Variants in CYP4F3 observed in about 807,000 individuals in gnomAD.
CYP4F3 encodes cytochrome P450 4F3.
Under a neutral mutation model 54.8 loss-of-function variants are expected in CYP4F3, and 50 were observed. That is an observed-to-expected ratio of 0.91 (90% CI 0.73 to 1.16). The LOEUF is 1.16. Among genes scored for constraint, CYP4F3 ranks in the 50% most tolerant of loss-of-function variants. The pLI is 0.00. For synonymous variants in CYP4F3, 244 were observed against 262.6 expected, an observed-to-expected ratio of 0.93 and a Z score of 0.69; for missense variants, 715 against 676.2, an observed-to-expected ratio of 1.06 and a Z score of -0.64.
rs149124841 is a variant in CYP4F3, at chr19:15,647,241, C to T, written c.442C>T (p.Arg148Cys). The change falls in exon 5 of 13, where the codon CGT becomes TGT. Residue 148 changes from arginine to cysteine, a missense_variant. Physicochemically the swap from Arg to Cys is radical, Grantham distance 180. Coordinates refer to ENST00000221307, the MANE Select transcript of CYP4F3 (RefSeq NM_000896.3). ...LSAGEKWSRH[R>C]RMLTPAFHFN... ...TGCTGGTGAAAAGTGGAGCCGCCAC[C>T]GTCGGATGCTGACGCCTGCCTTCCA... The T allele has an allele frequency of 4.0e-4, 644 of 1,614,118 alleles. No homozygotes were observed. The highest frequency in any genetic ancestry group is 5.2e-4 in the Non-Finnish European group (616 of 1,180,048).
Position 15,659,227 on chromosome 19 carries a change from A to G in CYP4F3, c.1405A>G (p.Ile469Val), listed in dbSNP as rs773233993. ...TCCACCTCCCTCCCCAAGGAACTGC[A>G]TCGGGCAGGCGTTCGCGATGGCGGA... Reference protein sequence around the residue: ...IPFSAGPRNCIGQAFAMAEMK... With the variant: ...IPFSAGPRNCVGQAFAMAEMK... Residue 469 changes from isoleucine (I) to valine (V), a missense_variant, in exon 13 of 13, where the codon ATC becomes GTC. Ile to Val is a conservative substitution (Grantham distance 29). Coordinates refer to ENST00000221307, the MANE Select transcript of CYP4F3 (RefSeq NM_000896.3). 4.4e-6 allele frequency: 7 copies of G among 1,604,684 alleles called. No individual in the cohort carries two copies. The highest frequency in any genetic ancestry group is 6.0e-6 in the Non-Finnish European group (7 of 1,176,428).
In CYP4F3 at chr19:15,652,871, C is replaced by G. The variant is rs1972900268; in HGVS notation, c.1034C>G (p.Ala345Gly). 6.2e-7 allele frequency: 1 copy of G among 1,613,760 alleles called. No individual in the cohort carries two copies. The highest frequency in any genetic ancestry group is 8.5e-7 in the Non-Finnish European group (1 of 1,179,864). The change falls in exon 9 of 13, where the codon GCA (alanine) becomes GGA (glycine). Residue 345 changes from alanine to glycine, a missense_variant. By Grantham distance (60) the Ala-to-Gly change is moderately conservative. Transcript: ENST00000221307. Reference sequence around the variant, plus strand: ...CTCTCCTGGGTCCTGTACCACCTTGCAAAGCACCCGGAATACCAGGAGCGC... The same window carrying G: ...CTCTCCTGGGTCCTGTACCACCTTGGAAAGCACCCGGAATACCAGGAGCGC... ...SGLSWVLYHL[A>G]KHPEYQERCR...
intron 2 of CYP4F3, among the ~76,000 whole-genome samples, chr19:15,642,911 TGGATGGATG>T (rs1424999941): frequency 6.6e-6 from 1 of 151,296 alleles, no homozygotes; most frequent in Admixed American, 6.6e-5. Flanking sequence ...GATGGATGGA[TGGATGGATG>T]GATAATACAT....
chr19:15,659,342 G>T lies in CYP4F3; in HGVS notation c.1520G>T (p.Arg507Leu), dbSNP rs781138683. ...CGCAGGAAGCCGGAGCTGGTCCTGC[G>T]CGCAGAGGGCGGACTTTGGCTGCGG... The part of the protein sequence containing the change: ...EPRRKPELVL[R>L]AEGGLWLRVE... Residue 507 changes from arginine to leucine, a missense_variant, in exon 13 of 13, where the codon CGC becomes CTC. By Grantham distance (102) the Arg-to-Leu change is moderately radical. Transcript: ENST00000221307. 9.3e-6 allele frequency: 15 copies of T among 1,613,276 alleles called. No individual in the cohort carries two copies. Among genetic ancestry groups the T allele is most frequent in the Non-Finnish European group, 1.2e-5 (14 of 1,179,740 alleles).
intron 9 of CYP4F3, among the ~76,000 whole-genome samples, chr19:15,657,082 T>C (rs2144673929): frequency 6.6e-6 from 1 of 152,348 alleles, no homozygotes; most frequent in South Asian, 2.1e-4. Flanking sequence ...GTGATCCCTA[T>C]TTCCTTCTTT....
At chr19:15,656,598 ATCTG>A (rs199802389) in intron 9 of CYP4F3, among the ~76,000 whole-genome samples, 7,007 of 138,010 alleles carry the variant, frequency 0.051, 293 homozygotes, top group African/African-American at 0.12. Context: ...TATCTCTATT[ATCTG>A]TCTATCTATC....
Position 15,652,608 on chromosome 19 carries a change from G to A in CYP4F3, c.958G>A (p.Ala320Thr). The A allele has an allele frequency of 6.2e-7, 1 of 1,614,188 alleles. No individual in the cohort carries two copies. Among genetic ancestry groups the A allele is most frequent in the Non-Finnish European group, 8.5e-7 (1 of 1,180,028 alleles). The part of the protein sequence containing the change: ...GKKLSDEDIR[A>T]EADTFMFEGH... Reference sequence around the variant, plus strand: ...GAAGTTGTCCGATGAGGACATAAGAGCAGAAGCTGACACCTTTATGTTTGA... The same window carrying A: ...GAAGTTGTCCGATGAGGACATAAGAACAGAAGCTGACACCTTTATGTTTGA... Residue 320 changes from alanine to threonine, a missense_variant, in exon 8 of 13, where the codon GCA becomes ACA. Transcript: ENST00000221307.
In CYP4F3 at chr19:15,650,398, A is replaced by C. The variant is rs1453830819; in HGVS notation, c.918+215A>C. ...TGAAATTGTGATGAGTCTGAGATTT[A>C]CTCTATTTATAAGTTAATAAGCTAA... On this transcript the variant is annotated intron_variant, in intron 7 of 12. Transcript: ENST00000221307. 5 of 910,642 alleles carry C rather than the reference A, an allele frequency of 5.5e-6. No homozygotes were observed. In the African/African-American group the frequency reaches 8.4e-5, roughly 15 times the overall value. The allele number at this position is 910,642 out of a possible 1,614,324, so 56.4% of individuals were successfully genotyped here.
rs202115280 is a variant in CYP4F3, at chr19:15,649,952, T to G, written c.687T>G (p.Ser229Arg). ...SEYIAAILEL[S>R]ALVTKRHQQI... The stretch of plus-strand genomic sequence containing the variant: ...ATATTGCCGCCATCTTGGAGCTCAG[T>G]GCCCTTGTGACAAAAAGACACCAGC... Residue 229 changes from serine to arginine, a missense_variant, in exon 7 of 13, where the codon AGT (serine) becomes AGG (arginine). Physicochemically the swap from Ser to Arg is moderately radical, Grantham distance 110. Coordinates refer to ENST00000221307, the MANE Select transcript of CYP4F3 (RefSeq NM_000896.3). 1.5e-5 allele frequency: 25 copies of G among 1,614,154 alleles called. No individual in the cohort carries two copies. The East Asian group carries it at 5.1e-4, about 33-fold the overall frequency.
chr19:15,643,877 A>G lies in CYP4F3; in HGVS notation c.199-1842A>G. On this transcript the variant is annotated intron_variant, in intron 2 of 12. Transcript: ENST00000221307. ...GTGGACACCTAGAATTAACCATGACAGGAGGTGACGGCCCCTGCCTTGCTT... is the reference window on the plus strand; with the variant it reads ...GTGGACACCTAGAATTAACCATGACGGGAGGTGACGGCCCCTGCCTTGCTT... 2.6e-6 allele frequency: 4 copies of G among 1,522,330 alleles called. No homozygotes were observed. In the South Asian group the frequency reaches 5.1e-5, roughly 19 times the overall value. The allele number at this position is 1,522,330 out of a possible 1,614,324, so 94.3% of individuals were successfully genotyped here. A position where few individuals can be genotyped will look rare whatever the true frequency, so the allele number is the denominator to read the frequency against.
chr19:15,657,715 T>C (rs1482833608), intron 9 of CYP4F3, among the ~76,000 whole-genome samples: 1 of 152,048 alleles, frequency 6.6e-6, no homozygotes, highest in African/African-American at 2.4e-5. Context: ...TTGATGGACA[T>C]TTAAAAAAAG....
rs1972899560 is a variant in CYP4F3, at chr19:15,652,859, T to C, written c.1022T>C (p.Leu341Pro). Residue 341 changes from leucine (L) to proline (P), a missense_variant, in exon 9 of 13, where the codon CTG becomes CCG. Physicochemically the swap from Leu to Pro is moderately conservative, Grantham distance 98. Transcript: ENST00000221307. ...ACAGCCAGTGGTCTCTCCTGGGTCC[T>C]GTACCACCTTGCAAAGCACCCGGAA... The part of the protein sequence containing the change: ...DTTASGLSWV[L>P]YHLAKHPEYQ... The C allele has an allele frequency of 6.8e-6, 11 of 1,613,810 alleles. No individual in the cohort carries two copies. The highest frequency in any genetic ancestry group is 2.2e-5 in the South Asian group (2 of 91,054).
At chr19:15,646,982 G>T in intron 3 of CYP4F3, 70 bp from the exon 4 acceptor site, 1 of 1,597,580 alleles carries the variant, frequency 6.3e-7, no homozygotes, top group African/African-American at 1.4e-5. Context: ...CTTGCTGGGA[G>T]CCTCCCCCCA....
chr19:15,658,934 G>A, intron 12 of CYP4F3, 125 bp downstream of exon 12: 4 of 1,356,304 alleles, frequency 2.9e-6, no homozygotes, highest in Non-Finnish European at 4.1e-6. Context: ...CACCTCCTCT[G>A]GAGTTTATGG....
In CYP4F3 at chr19:15,662,764, T is replaced by G. The variant is rs1233878842; in HGVS notation, c.*3379T>G. 6.6e-6 allele frequency: 1 copy of G among 152,254 alleles called. No homozygotes were observed. The highest frequency in any genetic ancestry group is 1.5e-5 in the Non-Finnish European group (1 of 68,046). 9.4% of individuals were successfully genotyped at this position (152,254 alleles called of 1,614,324 possible). On this transcript the variant is annotated 3_prime_UTR_variant, in exon 13 of 13. Transcript: ENST00000221307. ...ACAGTCTTGCACATATTTTGTTAAA[T>G]GTACAGCTGAGAATTTAATTTTTTC... is the stretch of plus-strand genomic sequence containing the variant.
At chr19:15,651,592 C>CACCT (rs1366911854) in intron 7 of CYP4F3, among the ~76,000 whole-genome samples, 1 of 148,874 alleles carries the variant, frequency 6.7e-6, no homozygotes, top group Non-Finnish European at 1.5e-5. Context: ...CGTGATCTGC[C>CACCT]TGTCTCAGCC....
chr19:15,657,501 C>T (rs1389722639), intron 9 of CYP4F3, among the ~76,000 whole-genome samples: 1 of 152,136 alleles, frequency 6.6e-6, no homozygotes, highest in Admixed American at 6.5e-5. Flanking sequence ...GTTGGCCAGG[C>T]TGGTCTCGAA....
chr19:15,649,131 G>A, intron 5 of CYP4F3, 29 bp from the exon 6 acceptor site: 1 of 1,612,314 alleles, frequency 6.2e-7, no homozygotes, highest in African/African-American at 1.3e-5. Flanking sequence ...CAAGGGACCT[G>A]CCCCAGCTCT....
Position 15,641,513 on chromosome 19 carries a change from G to C in CYP4F3, c.98G>C (p.Arg33Pro). 1 of 1,614,130 alleles carries C rather than the reference G, an allele frequency of 6.2e-7. No individual in the cohort carries two copies. The highest frequency in any genetic ancestry group is 1.1e-5 in the South Asian group (1 of 91,084). The change falls in exon 2 of 13, where the codon CGC becomes CCC. Residue 33 changes from arginine to proline, a missense_variant. Arg to Pro is a moderately radical substitution (Grantham distance 103, BLOSUM62 -2). Coordinates refer to ENST00000221307, the MANE Select transcript of CYP4F3 (RefSeq NM_000896.3). ...GTTGGGGCCTCCTGGCTCCTGGCCCGCATCCTGGCCTGGACCTATACCTTC... is the reference window on the plus strand; with the variant it reads ...GTTGGGGCCTCCTGGCTCCTGGCCCCCATCCTGGCCTGGACCTATACCTTC... ...LLVGASWLLA[R>P]ILAWTYTFYD...
Sources: allele counts gnomAD v4.1 joint callset (sites outside exome capture counted in the v4.1 genomes callset), GRCh38; gene constraint gnomAD v4.1.1; transcripts MANE v1.5; gene names NCBI Gene and HGNC (gene_info 2026-07-23, HGNC 2026-07-21).